KATNAL2: variants seen among roughly 807,000 people sequenced by gnomAD.
KATNAL2 encodes katanin catalytic subunit A1 like 2, also known as katanin p60 ATPase-containing subunit A-like 2.
Under a neutral mutation model 76.3 loss-of-function variants are expected in KATNAL2, and 52 were observed. The ratio of observed to expected loss-of-function variants is 0.68; its 90% CI spans 0.55 to 0.86. The LOEUF (loss-of-function observed/expected upper bound fraction) is 0.86, where lower values mean the gene tolerates loss of function less well. KATNAL2 is among the 40% of genes least tolerant of loss of function. The probability of loss-of-function intolerance (pLI) is 0.00; values close to 1 mark genes in which losing one functional copy is unlikely to be tolerated. For missense variants in KATNAL2, 660 were observed against 668.9 expected (o/e 0.99, Z 0.15); for synonymous variants, 243 against 244.2 (o/e 1.00, Z 0.05).
At chr18:46,957,350 G>T (rs2059788027) in intron 3 of KATNAL2, among the ~76,000 whole-genome samples, 3 of 149,538 alleles carry the variant, frequency 2.0e-5, no homozygotes, top group Admixed American at 2.0e-4. Flanking sequence ...GCCCCCCGGG[G>T]TTCACGCCAT....
At chr18:47,047,818 C>T (rs1359290415) in intron 4 of KATNAL2, among the ~76,000 whole-genome samples, 1 of 152,078 alleles carries the variant, frequency 6.6e-6, no homozygotes, top group African/African-American at 2.4e-5. Flanking sequence ...AAGGGATCCT[C>T]TCACCTCAGC....
chr18:47,032,404 T>G (rs1337780317), intron 3 of KATNAL2, among the ~76,000 whole-genome samples: 1 of 152,174 alleles, frequency 6.6e-6, no homozygotes, highest in Non-Finnish European at 1.5e-5. Flanking sequence ...CGTGCCACCA[T>G]GCCAGGCTAG....
chr18:47,048,828 CTTTTTTTTTTT>C (rs35366730), intron 4 of KATNAL2, among the ~76,000 whole-genome samples: 3 of 76,720 alleles, frequency 3.9e-5, no homozygotes, highest in South Asian at 5.8e-4. Flanking sequence ...AAGCCAGACT[CTTTTTTTTTTT>C]TTTTTTTTTT....
chr18:47,051,890 C>T (rs2061349881), intron 4 of KATNAL2, among the ~76,000 whole-genome samples: 1 of 151,978 alleles, frequency 6.6e-6, no homozygotes, highest in Non-Finnish European at 1.5e-5. Context: ...CATAAGGAGA[C>T]CTTGTCTGAA....
At chr18:47,035,599 A>T in intron 3 of KATNAL2, 1 of 516,304 alleles carries the variant, frequency 1.9e-6, no homozygotes, top group South Asian at 2.1e-5. Context: ...GCTGACACTC[A>T]CGGCTCTAGC....
At chr18:47,081,921 G>A (rs1479530568) in intron 15 of KATNAL2, among the ~76,000 whole-genome samples, 2 of 152,162 alleles carry the variant, frequency 1.3e-5, no homozygotes, top group South Asian at 4.1e-4. Flanking sequence ...TTTAAAAAGA[G>A]GCAAATAATG....
intron 3 of KATNAL2, chr18:47,033,318 CT>C: frequency 1.2e-6 from 2 of 1,613,752 alleles, no homozygotes; most frequent in Non-Finnish European, 1.7e-6. Flanking sequence ...CATAAGGCGT[CT>C]TGGCCACAGA....
chr18:46,952,393 GTTTTT>G (rs35596537), intron 3 of KATNAL2, among the ~76,000 whole-genome samples: 3 of 64,408 alleles, frequency 4.7e-5, no homozygotes, highest in Non-Finnish European at 5.3e-5. Flanking sequence ...CTGCAGGTAT[GTTTTT>G]TTTTTTTTTT....
intron 8 of KATNAL2, among the ~76,000 whole-genome samples, chr18:47,062,632 G>T (rs886930372): frequency 6.6e-6 from 1 of 152,200 alleles, no homozygotes; most frequent in Admixed American, 6.5e-5. Context: ...GTGCCAATGA[G>T]TTCTTTCTGC....
chr18:47,057,030 T>C (rs1021544481), intron 6 of KATNAL2, among the ~76,000 whole-genome samples: 2 of 152,142 alleles, frequency 1.3e-5, no homozygotes, highest in Non-Finnish European at 2.9e-5. Context: ...TGTCCACTTC[T>C]CATGACGCTC....
intron 8 of KATNAL2, among the ~76,000 whole-genome samples, chr18:47,061,776 C>T (rs888673769): frequency 2.6e-4 from 39 of 152,132 alleles, no homozygotes; most frequent in Admixed American, 2.4e-3. Flanking sequence ...ATAATCATAG[C>T]GTCCCCTTTA....
chr18:47,043,966 GC>G (rs2061062575), intron 3 of KATNAL2, among the ~76,000 whole-genome samples: 1 of 152,144 alleles, frequency 6.6e-6, no homozygotes, highest in South Asian at 2.1e-4. Flanking sequence ...GTATAAGACA[GC>G]TTAGTTCTCA....
intron 13 of KATNAL2, among the ~76,000 whole-genome samples, chr18:47,073,765 A>G (rs2062090262): frequency 6.6e-6 from 1 of 152,148 alleles, no homozygotes; most frequent in East Asian, 1.9e-4. Flanking sequence ...ACCGCCCCCC[A>G]GTTGTATGAT....
At chr18:47,035,652 C>T (rs1156594331) in intron 3 of KATNAL2, 4 of 403,404 alleles carry the variant, frequency 9.9e-6, no homozygotes, top group East Asian at 5.5e-5. Context: ...CCCATACGTA[C>T]TCATGCCGTC....
intron 4 of KATNAL2, among the ~76,000 whole-genome samples, chr18:47,049,899 A>G (rs1214479193): frequency 6.6e-6 from 1 of 151,944 alleles, no homozygotes; most frequent in African/African-American, 2.4e-5. Context: ...TTATTTCCTT[A>G]TTCATTTATT....
At chr18:47,066,960 G>A (rs2061833961) in intron 10 of KATNAL2, 61 bp from the exon 11 acceptor site, 3 of 892,444 alleles carry the variant, frequency 3.4e-6, no homozygotes, top group Non-Finnish European at 5.1e-6. Context: ...CTGCTCCCAA[G>A]TTTATTACAG....
chr18:47,094,543 G>A (rs2063144135), intron 15 of KATNAL2, among the ~76,000 whole-genome samples: 1 of 152,212 alleles, frequency 6.6e-6, no homozygotes, highest in African/African-American at 2.4e-5. Flanking sequence ...TAATGTTTAT[G>A]AGAGGGGTAC....
At chr18:46,946,751 G>A (rs777620835) in intron 2 of KATNAL2, 103 bp from the exon 3 acceptor site, 16 of 1,193,844 alleles carry the variant, frequency 1.3e-5, no homozygotes, top group Non-Finnish European at 1.9e-5. Context: ...TGGCGGGCGT[G>A]TCTGGGCTCT....
At chr18:46,938,134 T>C (rs2059145453) in intron 1 of KATNAL2, among the ~76,000 whole-genome samples, 1 of 151,566 alleles carries the variant, frequency 6.6e-6, no homozygotes, top group Admixed American at 6.6e-5. Flanking sequence ...AAGAAAAAAA[T>C]GAATAAACTA....
Sources: allele counts gnomAD v4.1 joint callset (sites outside exome capture counted in the v4.1 genomes callset), GRCh38; gene constraint gnomAD v4.1.1; transcripts MANE v1.5; gene names NCBI Gene and HGNC (gene_info 2026-07-23, HGNC 2026-07-21).